GRAMD2B: variants seen among roughly 807,000 people sequenced by gnomAD.
GRAMD2B encodes the protein GRAM domain-containing protein 2B.
GRAMD2B carries 41 observed loss-of-function variants against 59.2 expected under a neutral mutation model. The ratio of observed to expected loss-of-function variants is 0.69; its 90% CI spans 0.54 to 0.90. The LOEUF (loss-of-function observed/expected upper bound fraction) is 0.90, where lower values mean the gene tolerates loss of function less well. Among genes scored for constraint, GRAMD2B ranks in the 40% least tolerant of loss-of-function variants. GRAMD2B has a pLI of 0.00. For synonymous variants in GRAMD2B, 161 were observed against 182.7 expected (o/e 0.88, Z 0.96); for missense variants, 424 against 500.5 (o/e 0.85, Z 1.46).
In GRAMD2B at chr5:126,493,205, C is replaced by T. The variant is rs1774240208; in HGVS notation, c.*249C>T. ...TTTTGCCTGAAGAAAACAGACCCAT[C>T]TCTGGAGGTCTCAGGAAGGGCCCAG... On this transcript the variant is annotated 3_prime_UTR_variant, in exon 14 of 14. Coordinates refer to ENST00000285689, the MANE Select transcript of GRAMD2B (RefSeq NM_023927.4). The T allele has an allele frequency of 2.0e-6, 1 of 493,472 alleles. No individual in the cohort carries two copies. Among genetic ancestry groups the T allele is most frequent in the East Asian group, 3.4e-5 (1 of 29,224 alleles). 30.6% of individuals were successfully genotyped at this position (493,472 alleles called of 1,614,324 possible). A position where few individuals can be genotyped will look rare whatever the true frequency, so the allele number is the denominator to read the frequency against.
rs1759984164 is a variant in GRAMD2B, at chr5:126,423,440, CG to C, written c.-165del. The C allele has an allele frequency of 7.1e-7, 1 of 1,407,584 alleles. No individual in the cohort carries two copies. Among genetic ancestry groups the C allele is most frequent in the South Asian group, 1.7e-5 (1 of 59,898 alleles). The allele number at this position is 1,407,584 out of a possible 1,614,324, so 87.2% of individuals were successfully genotyped here. ...GCCCGCTCCGACGTGTCCAGGTCCG[CG>C]GCCCCGGGAGCTTGGCGCGGCCCGG... On this transcript the variant is annotated 5_prime_UTR_variant, in exon 1 of 14. Transcript: ENST00000285689.
chr5:126,370,367 C>G (rs536535453), upstream of GRAMD2B, among the ~76,000 whole-genome samples: 2 of 152,284 alleles, frequency 1.3e-5, no homozygotes, highest in Non-Finnish European at 2.9e-5. Flanking sequence ...AAACTTTGCT[C>G]TCTTCCACAA....
At chr5:126,386,278 T>G (rs550048563) in intron 1 of GRAMD2B, among the ~76,000 whole-genome samples, 1 of 152,322 alleles carries the variant, frequency 6.6e-6, no homozygotes, top group South Asian at 2.1e-4. Flanking sequence ...CATGATTCCA[T>G]GCTCTCCAAC....
At chr5:126,403,653 G>T (rs1055082704) in intron 1 of GRAMD2B, among the ~76,000 whole-genome samples, 5 of 151,888 alleles carry the variant, frequency 3.3e-5, no homozygotes, top group African/African-American at 1.2e-4. Context: ...ATGTAAAATT[G>T]AGTGTTTAAT....
chr5:126,367,099 C>T (rs1230984179), upstream of GRAMD2B, among the ~76,000 whole-genome samples: 1 of 151,822 alleles, frequency 6.6e-6, no homozygotes, highest in African/African-American at 2.4e-5. Context: ...TCAGGTGATC[C>T]ACCCACTTCG....
At chr5:126,413,631 G>C (rs867652246) in intron 1 of GRAMD2B, among the ~76,000 whole-genome samples, 9 of 151,956 alleles carry the variant, frequency 5.9e-5, no homozygotes, top group South Asian at 2.1e-4. Context: ...GTCAAGTGTC[G>C]AATTTAAGTC....
intron 1 of GRAMD2B, among the ~76,000 whole-genome samples, chr5:126,425,846 C>T (rs1341199543): frequency 6.6e-6 from 1 of 151,884 alleles, no homozygotes; most frequent in Non-Finnish European, 1.5e-5. Flanking sequence ...GGTTTCCAGG[C>T]GCTGGAAGGT....
chr5:126,486,205 A>G (rs890283952), intron 11 of GRAMD2B, among the ~76,000 whole-genome samples: 3 of 152,172 alleles, frequency 2.0e-5, no homozygotes, highest in African/African-American at 7.2e-5. Flanking sequence ...AGAACATTCA[A>G]TATCCTTCTT....
intron 5 of GRAMD2B, among the ~76,000 whole-genome samples, chr5:126,476,724 A>G (rs1770698512): frequency 6.6e-6 from 1 of 152,238 alleles, no homozygotes; most frequent in Non-Finnish European, 1.5e-5. Flanking sequence ...ATAGGTATCA[A>G]TAATGGTAGC....
intron 1 of GRAMD2B, among the ~76,000 whole-genome samples, chr5:126,424,314 G>A (rs1242338249): frequency 6.6e-6 from 1 of 152,064 alleles, no homozygotes; most frequent in Non-Finnish European, 1.5e-5. Context: ...TGGGAGGAGA[G>A]GTTGTTTTTT....
intron 1 of GRAMD2B, among the ~76,000 whole-genome samples, chr5:126,463,043 C>G (rs1017207114): frequency 6.6e-6 from 1 of 152,232 alleles, no homozygotes; most frequent in East Asian, 1.9e-4. Flanking sequence ...GTCACCTGCA[C>G]TGCACACAAA....
At chr5:126,363,844 C>T (rs1169997547) in intron 1 of GRAMD2B, among the ~76,000 whole-genome samples, 4 of 152,086 alleles carry the variant, frequency 2.6e-5, no homozygotes, top group Admixed American at 6.6e-5. Flanking sequence ...TGGGCAGGGA[C>T]TGCTCTTGGG....
At chr5:126,428,376 TAAAC>T (rs1236463392) in intron 1 of GRAMD2B, among the ~76,000 whole-genome samples, 1 of 152,062 alleles carries the variant, frequency 6.6e-6, no homozygotes, top group Non-Finnish European at 1.5e-5. Flanking sequence ...TAAATTATAT[TAAAC>T]AAATTATATT....
chr5:126,361,374 G>A (rs925827738), intron 1 of GRAMD2B, among the ~76,000 whole-genome samples: 1 of 151,898 alleles, frequency 6.6e-6, no homozygotes, highest in South Asian at 2.1e-4. Context: ...TTCAGACTGG[G>A]CTTTGGATTC....
intron 2 of GRAMD2B, among the ~76,000 whole-genome samples, chr5:126,467,149 T>G (rs964743646): frequency 6.6e-6 from 1 of 151,868 alleles, no homozygotes; most frequent in Non-Finnish European, 1.5e-5. Flanking sequence ...ATTAGCCGGG[T>G]GTGGTAGTGC....
Position 126,477,673 on chromosome 5 carries a change from C to G in GRAMD2B, c.487-19C>G. 1 of 1,389,768 alleles carries G rather than the reference C, an allele frequency of 7.2e-7. No individual in the cohort carries two copies. Among genetic ancestry groups the G allele is most frequent in the Non-Finnish European group, 1.0e-6 (1 of 975,508 alleles). The allele number at this position is 1,389,768 out of a possible 1,614,324, so 86.1% of individuals were successfully genotyped here. On this transcript the variant is annotated intron_variant, in intron 5 of 13. Transcript: ENST00000285689. Reference sequence around the variant, plus strand: ...TCTGTCAAGTCTGAACTGGCATTAACTTGCTGATTCTGTTTCAGATCTCTA... The same window carrying G: ...TCTGTCAAGTCTGAACTGGCATTAAGTTGCTGATTCTGTTTCAGATCTCTA...
chr5:126,465,313 C>T (rs971724217), intron 1 of GRAMD2B, 113 bp from the exon 2 acceptor site: 80 of 1,562,840 alleles, frequency 5.1e-5, no homozygotes, highest in Non-Finnish European at 6.5e-5. Context: ...ACTAGCCTAT[C>T]AGTGAGGAAT....
At chr5:126,380,466 A>C (rs1280594466) in intron 1 of GRAMD2B, among the ~76,000 whole-genome samples, 1 of 151,982 alleles carries the variant, frequency 6.6e-6, no homozygotes, top group African/African-American at 2.4e-5. Flanking sequence ...TGGAAATTGC[A>C]TTGAATTTGT....
chr5:126,381,092 G>A (rs1755617347), intron 1 of GRAMD2B, among the ~76,000 whole-genome samples: 1 of 152,102 alleles, frequency 6.6e-6, no homozygotes, highest in African/African-American at 2.4e-5. Context: ...TAATTTTGCT[G>A]AGGGTTTTAA....
Sources: gnomAD v4.1 joint callset for allele counts (sites outside exome capture counted in the v4.1 genomes callset) on GRCh38, gnomAD v4.1.1 for gene constraint, MANE v1.5 for transcripts, NCBI Gene and HGNC (gene_info 2026-07-23, HGNC 2026-07-21) for gene names.